SYN2: variants seen among roughly 807,000 people sequenced by gnomAD.
The protein encoded by SYN2 is synapsin II, also known as synapsin-2.
SYN2 carries 19 observed loss-of-function variants against 50.9 expected under a neutral mutation model. The ratio of observed to expected loss-of-function variants is 0.37; its 90% CI spans 0.26 to 0.55. SYN2 has a LOEUF of 0.55. SYN2 is among the 20% of genes least tolerant of loss of function. The probability of loss-of-function intolerance (pLI) is 0.81; values close to 1 mark genes in which losing one functional copy is unlikely to be tolerated. For missense variants in SYN2, 587 were observed against 576.4 expected (o/e 1.02, Z -0.19); for synonymous variants, 255 against 224.9 (o/e 1.13, Z -1.20).
intron 11 of SYN2, chr3:12,183,653 G>C (rs934923480): frequency 3.6e-6 from 5 of 1,384,076 alleles, no homozygotes; most frequent in African/African-American, 1.5e-5. Flanking sequence ...TGTTTTCTCT[G>C]TATAACTTGT....
At chr3:12,157,873 G>A (rs925983022) in intron 5 of SYN2, among the ~76,000 whole-genome samples, 46 of 152,258 alleles carry the variant, frequency 3.0e-4, no homozygotes, top group African/African-American at 1.0e-3. Context: ...CTCTCATCCC[G>A]CCTACAGTTG....
At chr3:12,080,630 T>A (rs1318622186) in intron 1 of SYN2, among the ~76,000 whole-genome samples, 1 of 152,224 alleles carries the variant, frequency 6.6e-6, no homozygotes, top group Non-Finnish European at 1.5e-5. Flanking sequence ...AATTTCTTAA[T>A]CTTGAGTTCT....
In SYN2 at chr3:12,037,232, G is replaced by A. The variant is rs117264378; in HGVS notation, c.377+32304G>A. ...CTTTTTCTGACCCCTCACCAGAATT[G>A]TCCTTAAGACTCTATTAATGGCAGT... On this transcript the variant is annotated intron_variant, in intron 1 of 12. Transcript: ENST00000621198. Among the ~76,000 whole-genome samples, 12 of 152,184 alleles carry A rather than the reference G, an allele frequency of 7.9e-5. No individual in the cohort carries two copies. The East Asian group carries it at 2.3e-3, about 29-fold the overall frequency.
At chr3:12,128,233 C>T (rs1428506933) in intron 1 of SYN2, among the ~76,000 whole-genome samples, 1 of 152,172 alleles carries the variant, frequency 6.6e-6, no homozygotes, top group African/African-American at 2.4e-5. Flanking sequence ...GTGTGAGCTA[C>T]CACGCCCAGC....
In SYN2 at chr3:12,115,646, A is replaced by G. The variant is rs183730119; in HGVS notation, c.378-25005A>G. Among the ~76,000 whole-genome samples the G allele has an allele frequency of 3.0e-3, 461 of 152,262 alleles. 3 individuals carry two copies. The highest frequency in any genetic ancestry group is 3.4e-3 in the Middle Eastern group (1 of 294). On this transcript the variant is annotated intron_variant, in intron 1 of 12. Transcript: ENST00000621198. ...AGGTGTGCAAGGGACCCAGAATTCCAATTTACATAGGAACTTAAATCCCAA... is the reference window on the plus strand; with the variant it reads ...AGGTGTGCAAGGGACCCAGAATTCCGATTTACATAGGAACTTAAATCCCAA...
intron 1 of SYN2, among the ~76,000 whole-genome samples, chr3:12,025,166 T>TG (rs375687144): frequency 3.3e-4 from 50 of 151,724 alleles, no homozygotes; most frequent in East Asian, 9.7e-4. Context: ...ATTCCCATCA[T>TG]GGGGGGGGAG....
chr3:12,049,195 C>T (rs1338150573), intron 1 of SYN2, among the ~76,000 whole-genome samples: 1 of 151,878 alleles, frequency 6.6e-6, no homozygotes, highest in Non-Finnish European at 1.5e-5. Context: ...TAACATTGGG[C>T]CCAAAAGAGC....
At chr3:12,051,870 T>C (rs1404917221) in intron 1 of SYN2, among the ~76,000 whole-genome samples, 1 of 152,226 alleles carries the variant, frequency 6.6e-6, no homozygotes, top group Non-Finnish European at 1.5e-5. Flanking sequence ...CTCAGGAATT[T>C]ATTCAGCTTC....
At chr3:12,064,042 G>A (rs1443727521) in intron 1 of SYN2, among the ~76,000 whole-genome samples, 1 of 151,906 alleles carries the variant, frequency 6.6e-6, no homozygotes, top group Admixed American at 6.6e-5. Flanking sequence ...GGTGATCAAA[G>A]TCATCATCAA....
intron 1 of SYN2, among the ~76,000 whole-genome samples, chr3:12,014,796 C>T (rs1693986991): frequency 6.6e-6 from 1 of 152,090 alleles, no homozygotes; most frequent in South Asian, 2.1e-4. Flanking sequence ...TTTTTGGCTT[C>T]CTGTTTTTTC....
At chr3:12,185,003 G>A (rs1026777083) in intron 11 of SYN2, 7 of 985,808 alleles carry the variant, frequency 7.1e-6, no homozygotes, top group South Asian at 9.4e-5. Context: ...CAAGAGTTAC[G>A]TATCCAGGGG....
chr3:12,158,213 G>A lies in SYN2; in HGVS notation c.775-3333G>A, dbSNP rs566609999. ...TAAGTTAGCCCTTGAAGGATGAGTA[G>A]GAGTCTGCCAGGAATTTAAGGGTGT... On this transcript the variant is annotated intron_variant, in intron 5 of 12. Coordinates refer to ENST00000621198, the MANE Select transcript of SYN2 (RefSeq NM_133625.6). 4.6e-5 allele frequency among the ~76,000 whole-genome samples: 7 copies of A among 152,306 alleles called. 1 individual carries two copies. The highest frequency in any genetic ancestry group is 1.4e-4 in the African/African-American group (6 of 41,570).
In SYN2 at chr3:12,020,616, C is replaced by G. The variant is rs569214391; in HGVS notation, c.377+15688C>G. On this transcript the variant is annotated intron_variant, in intron 1 of 12. Coordinates refer to ENST00000621198, the MANE Select transcript of SYN2 (RefSeq NM_133625.6). ...AAGGAAGAAGGACTCTCCAGAGATTCTTCAGTGCTGATTTAGTTTTTCCCC... is the reference window on the plus strand; with the variant it reads ...AAGGAAGAAGGACTCTCCAGAGATTGTTCAGTGCTGATTTAGTTTTTCCCC... 7.2e-4 allele frequency among the ~76,000 whole-genome samples: 110 copies of G among 152,246 alleles called. 3 individuals carry two copies. The South Asian group carries it at 0.022, about 31-fold the overall frequency.
At chr3:12,179,588 A>G (rs932781049) in intron 10 of SYN2, among the ~76,000 whole-genome samples, 3 of 152,120 alleles carry the variant, frequency 2.0e-5, no homozygotes, top group Admixed American at 6.5e-5. Flanking sequence ...TCAATCTTCT[A>G]CTAAGCCCTA....
chr3:12,016,827 G>T (rs1208490433), intron 1 of SYN2, among the ~76,000 whole-genome samples: 2 of 152,144 alleles, frequency 1.3e-5, no homozygotes, highest in Non-Finnish European at 2.9e-5. Context: ...CTGCACTCCA[G>T]CCTGGGTGAC....
rs367733666 is a variant in SYN2 at position 12,056,306 on chromosome 3, C to T, written c.377+51378C>T. On this transcript the variant is annotated intron_variant, in intron 1 of 12. Coordinates refer to ENST00000621198, the MANE Select transcript of SYN2 (RefSeq NM_133625.6). ...GGGAAGGAGGGGGTCAAGACTGGGA[C>T]TGGGTATTGAAGTTGCTCCTGGGGT... 1.6e-4 allele frequency among the ~76,000 whole-genome samples: 24 copies of T among 151,866 alleles called. No individual in the cohort carries two copies. The East Asian group carries it at 2.5e-3, about 16-fold the overall frequency.
At chr3:12,109,405 A>G in intron 1 of SYN2, among the ~76,000 whole-genome samples, 1 of 152,184 alleles carries the variant, frequency 6.6e-6, no homozygotes, top group South Asian at 2.1e-4. Context: ...TATTGCATTC[A>G]TCCAGCTGGT....
intron 1 of SYN2, among the ~76,000 whole-genome samples, chr3:12,072,793 T>A (rs947656987): frequency 6.6e-6 from 1 of 152,206 alleles, no homozygotes; most frequent in Non-Finnish European, 1.5e-5. Context: ...TTCATTTCTC[T>A]GTATAGTCTC....
chr3:12,007,150 G>A (rs905950537), intron 1 of SYN2, among the ~76,000 whole-genome samples: 1 of 152,176 alleles, frequency 6.6e-6, no homozygotes, highest in African/African-American at 2.4e-5. Flanking sequence ...GTATTCTCTA[G>A]GAAGCCTATT....
Sources: allele counts gnomAD v4.1 joint callset (sites outside exome capture counted in the v4.1 genomes callset), GRCh38; gene constraint gnomAD v4.1.1; transcripts MANE v1.5; gene names NCBI Gene and HGNC (gene_info 2026-07-23, HGNC 2026-07-21).